NUDT19: variants seen among roughly 807,000 people sequenced by gnomAD.
The protein encoded by NUDT19 is nudix hydrolase 19.
A neutral mutation model predicts 22.2 loss-of-function variants in NUDT19; 31 were observed. The ratio of observed to expected loss-of-function variants is 1.40; its 90% CI spans 1.05 to 1.89. The LOEUF (loss-of-function observed/expected upper bound fraction) is 1.89, where lower values mean the gene tolerates loss of function less well. NUDT19 is among the 40% of genes most tolerant of loss of function. The pLI is 0.00. For synonymous variants in NUDT19, 325 were observed against 230.8 expected (o/e 1.41, Z -3.70); for missense variants, 752 against 514.2 (o/e 1.46, Z -4.47).
chr19:32,701,342 A>G (rs1200368402), intron 1 of NUDT19, among the ~76,000 whole-genome samples: 2 of 151,158 alleles, frequency 1.3e-5, no homozygotes, highest in Non-Finnish European at 2.9e-5. Flanking sequence ...AGCAGCTGGG[A>G]TTACGGGCGC....
chr19:32,702,280 G>A (rs760355111), intron 1 of NUDT19, among the ~76,000 whole-genome samples: 4 of 152,144 alleles, frequency 2.6e-5, no homozygotes, highest in East Asian at 1.9e-4. Flanking sequence ...AAGCACCTGC[G>A]GTAGATCCAA....
intron 1 of NUDT19, among the ~76,000 whole-genome samples, chr19:32,702,020 G>A (rs1968340953): frequency 6.6e-6 from 1 of 152,126 alleles, no homozygotes; most frequent in African/African-American, 2.4e-5. Flanking sequence ...GTGTGCGGGG[G>A]TCTGTCCTGC....
chr19:32,706,038 G>T (rs1056934057), intron 1 of NUDT19, among the ~76,000 whole-genome samples: 2 of 152,056 alleles, frequency 1.3e-5, no homozygotes, highest in African/African-American at 4.8e-5. Flanking sequence ...TCAGGTAATT[G>T]TTCTTTCTTC....
In NUDT19 at chr19:32,692,612, C is replaced by G. The variant is rs1455354027; in HGVS notation, c.652C>G (p.Leu218Val). The part of the protein sequence containing the change: ...TTRRFDTAFF[L>V]CCLREPPPVY... ...TCGCCGCTTTGACACGGCCTTCTTC[C>G]TGTGCTGCCTGCGCGAGCCGCCGCC... The change falls in exon 1 of 3, where the codon CTG becomes GTG. Residue 218 changes from leucine to valine, a missense_variant. By Grantham distance (32) the Leu-to-Val change is conservative. Coordinates refer to ENST00000397061, the MANE Select transcript of NUDT19 (RefSeq NM_001105570.2). 1 of 1,549,352 alleles carries G rather than the reference C, an allele frequency of 6.5e-7. No homozygotes were observed. Among genetic ancestry groups the G allele is most frequent in the Non-Finnish European group, 8.7e-7 (1 of 1,153,794 alleles).
chr19:32,692,119 A>T lies in NUDT19; in HGVS notation c.159A>T (p.Gln53His). 1.4e-6 allele frequency: 2 copies of T among 1,451,440 alleles called. No individual in the cohort carries two copies. Among genetic ancestry groups the T allele is most frequent in the Non-Finnish European group, 1.8e-6 (2 of 1,111,062 alleles). 89.9% of individuals were successfully genotyped at this position (1,451,440 alleles called of 1,614,324 possible). A position where few individuals can be genotyped will look rare whatever the true frequency, so the allele number is the denominator to read the frequency against. The change falls in exon 1 of 3, where the codon CAA (glutamine) becomes CAT (histidine). Residue 53 changes from glutamine to histidine, a missense_variant. By Grantham distance (24) the Gln-to-His change is conservative. Transcript: ENST00000397061. The stretch of plus-strand genomic sequence containing the variant: ...TGCTGCTGCAGCGCTCCCCGCACCA[A>T]GGCTTCATGCCGGGCGCGCACGTCT... The part of the protein sequence containing the change: ...RLLLLQRSPH[Q>H]GFMPGAHVFS...
At chr19:32,696,348 C>T (rs1968263266) in intron 1 of NUDT19, among the ~76,000 whole-genome samples, 1 of 151,910 alleles carries the variant, frequency 6.6e-6, no homozygotes, top group African/African-American at 2.4e-5. Context: ...CACAACTACC[C>T]CTAAACAGTT....
chr19:32,701,917 C>A, intron 1 of NUDT19, among the ~76,000 whole-genome samples: 1 of 152,110 alleles, frequency 6.6e-6, no homozygotes, highest in Non-Finnish European at 1.5e-5. Context: ...TTTGGGAGGC[C>A]AAGGAGGGCT....
In NUDT19 at chr19:32,692,183, G is replaced by A. The variant is rs779653593; in HGVS notation, c.223G>A (p.Asp75Asn). 1.3e-6 allele frequency: 2 copies of A among 1,549,680 alleles called. No individual in the cohort carries two copies. The highest frequency in any genetic ancestry group is 1.9e-5 in the Admixed American group (1 of 52,334). ...GCTGGATGCGGCCGACCGCTCGGCG[G>A]ACTGGCTGGGCCTCTTCGCGCCGCA... Reference protein sequence around the residue: ...GVLDAADRSADWLGLFAPHHG... With the variant: ...GVLDAADRSANWLGLFAPHHG... The change falls in exon 1 of 3, where the codon GAC becomes AAC. Residue 75 changes from aspartate to asparagine, a missense_variant. Coordinates refer to ENST00000397061, the MANE Select transcript of NUDT19 (RefSeq NM_001105570.2).
chr19:32,701,197 A>G (rs554902515), intron 1 of NUDT19, among the ~76,000 whole-genome samples: 1 of 125,234 alleles, frequency 8.0e-6, no homozygotes, highest in Admixed American at 8.3e-5. Context: ...AGCATCTTGC[A>G]GGTTTTTTTT....
intron 1 of NUDT19, among the ~76,000 whole-genome samples, chr19:32,702,829 T>C (rs1013426796): frequency 1.3e-5 from 2 of 152,210 alleles, no homozygotes; most frequent in African/African-American, 4.8e-5. Context: ...ATTAACTATG[T>C]CTCTTTGTAG....
intron 1 of NUDT19, among the ~76,000 whole-genome samples, chr19:32,701,606 T>C (rs1032999821): frequency 2.0e-5 from 3 of 152,248 alleles, no homozygotes; most frequent in African/African-American, 7.2e-5. Context: ...CTTTTAGTTC[T>C]ATCAGATTTG....
At chr19:32,696,476 G>A (rs1370030127) in intron 1 of NUDT19, among the ~76,000 whole-genome samples, 2 of 152,178 alleles carry the variant, frequency 1.3e-5, no homozygotes, top group African/African-American at 2.4e-5. Context: ...GACGTTTAAA[G>A]AAAAGTTTCG....
chr19:32,709,492 T>C lies in NUDT19; in HGVS notation c.922+100T>C. ...ACGTAGAGACAGGAATTACAGTCTGTGTTTTGTAATCTACAGGGTATTAGC... is the reference window on the plus strand; with the variant it reads ...ACGTAGAGACAGGAATTACAGTCTGCGTTTTGTAATCTACAGGGTATTAGC... On this transcript the variant is annotated intron_variant, in intron 2 of 2. Transcript: ENST00000397061. The C allele has an allele frequency of 3.2e-6, 3 of 923,254 alleles. No individual in the cohort carries two copies. In the Middle Eastern group the frequency reaches 7.1e-4, roughly 218 times the overall value. 57.2% of individuals were successfully genotyped at this position (923,254 alleles called of 1,614,324 possible). A position where few individuals can be genotyped will look rare whatever the true frequency, so the allele number is the denominator to read the frequency against.
chr19:32,702,136 G>A (rs1014037581), intron 1 of NUDT19, among the ~76,000 whole-genome samples: 1 of 152,204 alleles, frequency 6.6e-6, no homozygotes, highest in Non-Finnish European at 1.5e-5. Context: ...GGAGAGTGCT[G>A]TAAAAAGTTG....
At chr19:32,706,130 C>A (rs1968384817) in intron 1 of NUDT19, among the ~76,000 whole-genome samples, 2 of 152,144 alleles carry the variant, frequency 1.3e-5, no homozygotes, top group African/African-American at 4.8e-5. Context: ...ATCATTCTTT[C>A]CTGGTCTCAT....
Position 32,712,231 on chromosome 19 carries a change from T to C in NUDT19, c.*274T>C, listed in dbSNP as rs748137416. On this transcript the variant is annotated 3_prime_UTR_variant, in exon 3 of 3. Coordinates refer to ENST00000397061, the MANE Select transcript of NUDT19 (RefSeq NM_001105570.2). ...CTGGGACTACAGGCGCCCGCCACCA[T>C]GCCCAGCTAATTTTTTTTTGTATTT... is the stretch of plus-strand genomic sequence containing the variant. The C allele has an allele frequency of 7.3e-5, 22 of 300,268 alleles. No homozygotes were observed. Among genetic ancestry groups the C allele is most frequent in the Non-Finnish European group, 9.9e-5 (16 of 161,182 alleles). 18.6% of individuals were successfully genotyped at this position (300,268 alleles called of 1,614,324 possible). A position where few individuals can be genotyped will look rare whatever the true frequency, so the allele number is the denominator to read the frequency against.
intron 1 of NUDT19, among the ~76,000 whole-genome samples, chr19:32,700,661 C>T (rs1042953886): frequency 1.3e-5 from 2 of 152,138 alleles, no homozygotes; most frequent in Admixed American, 6.6e-5. Context: ...AACTCCTGGC[C>T]TCAAGCGACC....
At chr19:32,696,431 G>T (rs1318368673) in intron 1 of NUDT19, among the ~76,000 whole-genome samples, 2 of 152,116 alleles carry the variant, frequency 1.3e-5, no homozygotes, top group Non-Finnish European at 2.9e-5. Context: ...ATGAGTCTGA[G>T]TAAGGACCCC....
Position 32,711,864 on chromosome 19 carries a change from C to A in NUDT19, c.1035C>A (p.Tyr345Ter), listed in dbSNP as rs1186550293. 1.2e-6 allele frequency: 2 copies of A among 1,613,172 alleles called. No homozygotes were observed. The change falls in exon 3 of 3, where the codon TAC (tyrosine) becomes TAA (stop). Residue 345 changes from tyrosine to a stop codon, truncating the protein, a stop_gained. Coordinates refer to ENST00000397061, the MANE Select transcript of NUDT19 (RefSeq NM_001105570.2). LOFTEE classifies it low-confidence loss of function (END_TRUNC). ...EGKQFHRIVT[Y>*]HRHLYDIHVT... The stretch of plus-strand genomic sequence containing the variant: ...AGCAGTTTCACCGGATAGTGACATA[C>A]CATCGCCACCTTTATGATATCCACG...
Sources: gnomAD v4.1 joint callset for allele counts (sites outside exome capture counted in the v4.1 genomes callset) on GRCh38, gnomAD v4.1.1 for gene constraint, MANE v1.5 for transcripts, NCBI Gene and HGNC (gene_info 2026-07-23, HGNC 2026-07-21) for gene names.